CTNND2: variants seen among roughly 807,000 people sequenced by gnomAD.
The protein encoded by CTNND2 is catenin delta 2, also known as catenin delta-2.
Under a neutral mutation model 144.4 loss-of-function variants are expected in CTNND2, and 22 were observed. The ratio of observed to expected loss-of-function variants is 0.15; its 90% CI spans 0.11 to 0.22. The LOEUF (loss-of-function observed/expected upper bound fraction) is 0.22, where lower values mean the gene tolerates loss of function less well. Among genes scored for constraint, CTNND2 ranks in the 10% least tolerant of loss-of-function variants. CTNND2 has a pLI of 1.00. For synonymous variants in CTNND2, 751 were observed against 695.6 expected, an observed-to-expected ratio of 1.08 and a Z score of -1.25; for missense variants, 1,353 against 1,618.8, an observed-to-expected ratio of 0.84 and a Z score of 2.82.
chr5:11,383,378 G>A (rs1199168162), intron 7 of CTNND2, among the ~76,000 whole-genome samples: 1 of 151,944 alleles, frequency 6.6e-6, no homozygotes, highest in Non-Finnish European at 1.5e-5. Flanking sequence ...ATGTTCACTC[G>A]CCCCCTTTTC....
intron 3 of CTNND2, among the ~76,000 whole-genome samples, chr5:11,542,221 G>C (rs1054965319): frequency 6.6e-6 from 1 of 152,054 alleles, no homozygotes; most frequent in East Asian, 1.9e-4. Flanking sequence ...ATGCTGCAGG[G>C]ACCCACCGCC....
At chr5:11,239,338 T>C (rs1216011316) in intron 9 of CTNND2, among the ~76,000 whole-genome samples, 1 of 152,214 alleles carries the variant, frequency 6.6e-6, no homozygotes, top group Non-Finnish European at 1.5e-5. Context: ...CAAAGACTCA[T>C]GAGTGCAGAA....
chr5:11,675,592 C>T (rs904314818), intron 2 of CTNND2, among the ~76,000 whole-genome samples: 1 of 151,986 alleles, frequency 6.6e-6, no homozygotes, highest in African/African-American at 2.4e-5. Flanking sequence ...TTTGCGTTCA[C>T]CAGTCCTTAA....
At chr5:11,653,313 T>C (rs1026579761) in intron 2 of CTNND2, among the ~76,000 whole-genome samples, 1 of 152,084 alleles carries the variant, frequency 6.6e-6, no homozygotes, top group Admixed American at 6.6e-5. Flanking sequence ...TTTCGTTTTT[T>C]GAGAAAATGC....
chr5:11,734,750 T>C (rs1787584966), intron 1 of CTNND2, among the ~76,000 whole-genome samples: 1 of 152,202 alleles, frequency 6.6e-6, no homozygotes, highest in Non-Finnish European at 1.5e-5. Context: ...CCTAAGTTAT[T>C]ACGTATGTCT....
chr5:11,654,594 C>G (rs1042176949), intron 2 of CTNND2, among the ~76,000 whole-genome samples: 1 of 151,084 alleles, frequency 6.6e-6, no homozygotes, highest in African/African-American at 2.4e-5. Flanking sequence ...TTGTAGCCTA[C>G]AACTTCACTG....
At chr5:11,699,077 T>C (rs928856601) in intron 2 of CTNND2, among the ~76,000 whole-genome samples, 11 of 151,810 alleles carry the variant, frequency 7.2e-5, no homozygotes, top group Admixed American at 1.3e-4. Flanking sequence ...TTAGATTTAA[T>C]CTACTTATAC....
intron 3 of CTNND2, among the ~76,000 whole-genome samples, chr5:11,546,069 C>T (rs1344612266): frequency 6.6e-6 from 1 of 152,072 alleles, no homozygotes; most frequent in Admixed American, 6.5e-5. Context: ...AATAAAAGAT[C>T]ACATATGGTA....
intron 3 of CTNND2, among the ~76,000 whole-genome samples, chr5:11,431,023 C>T (rs1482762970): frequency 1.3e-5 from 2 of 152,158 alleles, no homozygotes; most frequent in Non-Finnish European, 2.9e-5. Context: ...AACAATGAAT[C>T]TATACTGCCT....
At chr5:11,477,730 C>T (rs1767890023) in intron 3 of CTNND2, among the ~76,000 whole-genome samples, 3 of 152,116 alleles carry the variant, frequency 2.0e-5, no homozygotes, top group South Asian at 4.1e-4. Flanking sequence ...CTTGACCCTA[C>T]CACAAAACTA....
intron 5 of CTNND2, among the ~76,000 whole-genome samples, chr5:11,400,236 G>C (rs1231884158): frequency 6.6e-6 from 1 of 152,134 alleles, no homozygotes; most frequent in Non-Finnish European, 1.5e-5. Context: ...GGGTGATATG[G>C]AAAGAAATGG....
At chr5:11,738,351 C>T (rs915252264) in intron 1 of CTNND2, among the ~76,000 whole-genome samples, 5 of 152,210 alleles carry the variant, frequency 3.3e-5, no homozygotes, top group Middle Eastern at 6.8e-3. Flanking sequence ...GCAGTTAGGC[C>T]CTGCATGCCG....
intron 2 of CTNND2, among the ~76,000 whole-genome samples, chr5:11,620,317 A>G (rs1331768812): frequency 6.6e-6 from 1 of 152,110 alleles, no homozygotes; most frequent in Admixed American, 6.6e-5. Flanking sequence ...CCAGTGCCCA[A>G]TCACATCACT....
intron 9 of CTNND2, among the ~76,000 whole-genome samples, chr5:11,309,721 G>GTCGGGGCAGAATGATA (rs1341045947): frequency 3.3e-5 from 5 of 152,162 alleles, no homozygotes; most frequent in African/African-American, 4.8e-5. Context: ...TTTGGGAGGG[G>GTCGGGGCAGAATGATA]TCGGGGCAGA....
At chr5:11,189,361 T>C (rs1736015078) in intron 11 of CTNND2, among the ~76,000 whole-genome samples, 2 of 152,108 alleles carry the variant, frequency 1.3e-5, no homozygotes, top group African/African-American at 4.8e-5. Context: ...AACAACATGG[T>C]TTGAACTGCG....
chr5:11,692,627 A>G (rs141021514), intron 2 of CTNND2, among the ~76,000 whole-genome samples: 1,637 of 152,278 alleles, frequency 0.011, 27 homozygotes, highest in African/African-American at 0.038. Context: ...TTTGAGATGG[A>G]GTATCGCTCT....
intron 14 of CTNND2, among the ~76,000 whole-genome samples, chr5:11,110,628 T>A (rs919204830): frequency 6.6e-6 from 1 of 152,086 alleles, no homozygotes; most frequent in African/African-American, 2.4e-5. Context: ...CAGGTGTCTT[T>A]TTTTCTTTTT....
chr5:11,003,070 C>T (rs186606467), intron 18 of CTNND2, among the ~76,000 whole-genome samples: 179 of 149,580 alleles, frequency 1.2e-3, no homozygotes, highest in Middle Eastern at 7.0e-3. Flanking sequence ...GGCCTCTAAG[C>T]GAGGATTCCT....
intron 1 of CTNND2, among the ~76,000 whole-genome samples, chr5:11,811,259 C>A (rs959547552): frequency 6.6e-6 from 1 of 152,112 alleles, no homozygotes; most frequent in African/African-American, 2.4e-5. Context: ...TAATGGAGAA[C>A]TGGGCAGACA....
Sources: allele counts gnomAD v4.1 joint callset (sites outside exome capture counted in the v4.1 genomes callset), GRCh38; gene constraint gnomAD v4.1.1; transcripts MANE v1.5; gene names NCBI Gene and HGNC (gene_info 2026-07-23, HGNC 2026-07-21).